SCNN1B: variants seen among roughly 807,000 people sequenced by gnomAD.
The protein encoded by SCNN1B is epithelial sodium channel subunit beta.
SCNN1B carries 46 observed loss-of-function variants against 65.3 expected under a neutral mutation model. The observed-to-expected ratio is 0.70, with a 90% confidence interval of 0.56 to 0.90. The LOEUF (loss-of-function observed/expected upper bound fraction) is 0.90, where lower values mean the gene tolerates loss of function less well. SCNN1B is among the 40% of genes least tolerant of loss of function. The pLI is 0.00. For synonymous variants in SCNN1B, 349 were observed against 330.6 expected, an observed-to-expected ratio of 1.06 and a Z score of -0.60; for missense variants, 751 against 830.5, an observed-to-expected ratio of 0.90 and a Z score of 1.18.
At chr16:23,338,652 G>A (rs573404316) in intron 1 of SCNN1B, among the ~76,000 whole-genome samples, 1 of 152,276 alleles carries the variant, frequency 6.6e-6, no homozygotes, top group East Asian at 1.9e-4. Flanking sequence ...AGAGGGCTGG[G>A]TATAAGACAG....
chr16:23,328,093 G>A (rs1961734285), intron 1 of SCNN1B, among the ~76,000 whole-genome samples: 1 of 152,196 alleles, frequency 6.6e-6, no homozygotes, highest in African/African-American at 2.4e-5. Flanking sequence ...TAAGTCACAA[G>A]TGGGAAGGTG....
chr16:23,380,104 G>A lies in SCNN1B; in HGVS notation c.1477G>A (p.Val493Ile). 1.2e-6 allele frequency: 2 copies of A among 1,614,030 alleles called. No individual in the cohort carries two copies. The highest frequency in any genetic ancestry group is 1.7e-6 in the Non-Finnish European group (2 of 1,179,914). The change falls in exon 12 of 13, where the codon GTC (valine) becomes ATC (isoleucine). Residue 493 changes from valine to isoleucine, a missense_variant. Coordinates refer to ENST00000343070, the MANE Select transcript of SCNN1B (RefSeq NM_000336.3). The surrounding 1 kb of genome is among the most constrained non-coding windows in gnomAD (Gnocchi z 5.4). ...CGCTGCCTCCTGCAGGAAGGGAATT[G>A]TCAAGCTCAACATCTACTTCCAAGA... ...TNITLSRKGI[V>I]KLNIYFQEFN...
chr16:23,327,609 C>T (rs947807257), intron 1 of SCNN1B, among the ~76,000 whole-genome samples: 6 of 152,186 alleles, frequency 3.9e-5, no homozygotes, highest in Admixed American at 3.3e-4. Context: ...GTGCCTGTAT[C>T]GTAGTTTGTG....
intron 2 of SCNN1B, among the ~76,000 whole-genome samples, chr16:23,288,570 A>G (rs1960883138): frequency 1.3e-5 from 2 of 152,092 alleles, no homozygotes; most frequent in Admixed American, 1.3e-4. Flanking sequence ...TTGGGAGGCC[A>G]AGGTGGGAGG....
chr16:23,289,627 C>T (rs763721849), intron 2 of SCNN1B, among the ~76,000 whole-genome samples: 2 of 150,738 alleles, frequency 1.3e-5, no homozygotes, highest in Admixed American at 6.6e-5. Flanking sequence ...AATGGACCTA[C>T]TGTAGGCATC....
At position 23,348,500 on chromosome 16, in the gene SCNN1B, C is replaced by A; in HGVS notation, c.-8-92C>A. The stretch of plus-strand genomic sequence containing the variant: ...GGTAAAGAGGGAGGAAGAACGGGGA[C>A]GTACCGCCGCCCAGTTCCTGGACGT... On this transcript the variant is annotated intron_variant, in intron 1 of 12. Coordinates refer to ENST00000343070, the MANE Select transcript of SCNN1B (RefSeq NM_000336.3). The surrounding 1 kb of genome is among the most constrained non-coding windows in gnomAD (Gnocchi z 4.5). 1 of 1,187,474 alleles carries A rather than the reference C, an allele frequency of 8.4e-7. No individual in the cohort carries two copies. Among genetic ancestry groups the A allele is most frequent in the Non-Finnish European group, 1.2e-6 (1 of 824,494 alleles). 73.6% of individuals were successfully genotyped at this position (1,187,474 alleles called of 1,614,324 possible). A position where few individuals can be genotyped will look rare whatever the true frequency, so the allele number is the denominator to read the frequency against.
At chr16:23,315,309 C>A (rs1961430288) in intron 1 of SCNN1B, among the ~76,000 whole-genome samples, 1 of 152,108 alleles carries the variant, frequency 6.6e-6, no homozygotes, top group Non-Finnish European at 1.5e-5. Context: ...TGCACTCCAG[C>A]CTGAGCAACA....
intron 1 of SCNN1B, among the ~76,000 whole-genome samples, chr16:23,343,620 AAAGAAAGAAAGAAAGAAAGAAAG>A (rs1962118397): frequency 7.5e-6 from 1 of 132,808 alleles, no homozygotes; most frequent in Non-Finnish European, 1.6e-5. Flanking sequence ...AGAAAGAAAG[AAAGAAAGAAAGAAAGAAAGAAAG>A]AAAGAAAAAA....
intron 2 of SCNN1B, among the ~76,000 whole-genome samples, chr16:23,287,162 G>A (rs1477339073): frequency 1.3e-5 from 2 of 151,638 alleles, no homozygotes; most frequent in Non-Finnish European, 2.9e-5. Context: ...CTACCACCAC[G>A]CCCGGCTAAT....
At position 23,365,607 on chromosome 16, in the gene SCNN1B, A is replaced by AAGAGAGAGAG. The variant is rs879286451; in HGVS notation, c.777-2246_777-2245insGAGAGAGAGA. On this transcript the variant is annotated intron_variant, in intron 4 of 12. Transcript: ENST00000343070. ...AGAAAGAGAAAGAAAGAAAGAAAGA[A>AAGAGAGAGAG]AGAAAGAAAGAAAAAAGAAAGAAGT... Among the ~76,000 whole-genome samples, 265 of 76,790 alleles carry AAGAGAGAGAG rather than the reference A, an allele frequency of 3.5e-3. 2 individuals are homozygous for AAGAGAGAGAG. Among genetic ancestry groups the AAGAGAGAGAG allele is most frequent in the South Asian group, 5.5e-3 (10 of 1,830 alleles). The allele number at this position is 76,790 out of a possible 152,430, so 50.4% of individuals were successfully genotyped here.
intron 2 of SCNN1B, among the ~76,000 whole-genome samples, chr16:23,293,734 C>T (rs371153882): frequency 4.9e-4 from 74 of 151,724 alleles, no homozygotes; most frequent in African/African-American, 1.6e-3. Context: ...TGAAATCAGC[C>T]GGGGCAACAT....
chr16:23,309,410 T>TGATA (rs58532372), intron 1 of SCNN1B, among the ~76,000 whole-genome samples: 17,421 of 150,850 alleles, frequency 0.12, 1,566 homozygotes, highest in African/African-American at 0.24. Flanking sequence ...AGATAAATGA[T>TGATA]GATAGATAGA....
upstream of SCNN1B, among the ~76,000 whole-genome samples, chr16:23,301,366 A>AAAAAAAAAAAAAAAG (rs796515589): frequency 4.6e-4 from 68 of 146,836 alleles, no homozygotes; most frequent in African/African-American, 1.8e-3. Context: ...TGTCAAAAAA[A>AAAAAAAAAAAAAAAG]AAAGAAAGAA....
At chr16:23,293,485 A>G (rs1339494332) in intron 2 of SCNN1B, among the ~76,000 whole-genome samples, 2 of 152,190 alleles carry the variant, frequency 1.3e-5, no homozygotes, top group African/African-American at 2.4e-5. Flanking sequence ...AGAGACAGGA[A>G]GTAGAATGGC....
At chr16:23,308,858 C>T (rs1020578025) in intron 1 of SCNN1B, among the ~76,000 whole-genome samples, 17 of 152,182 alleles carry the variant, frequency 1.1e-4, no homozygotes, top group African/African-American at 4.1e-4. Context: ...CTGCGTCGGC[C>T]TCCCAAAGTG....
intron 1 of SCNN1B, among the ~76,000 whole-genome samples, chr16:23,337,374 C>CTTTTTTT (rs11455298): frequency 7.5e-6 from 1 of 134,102 alleles, no homozygotes; most frequent in South Asian, 2.5e-4. Flanking sequence ...CTCTTTCTTT[C>CTTTTTTT]TTTTTTTTTT....
At chr16:23,310,772 G>T (rs1596822890) in intron 1 of SCNN1B, among the ~76,000 whole-genome samples, 2 of 152,266 alleles carry the variant, frequency 1.3e-5, no homozygotes, top group East Asian at 3.8e-4. Context: ...CACAAGAAAA[G>T]AAGTGTACAT....
intron 4 of SCNN1B, among the ~76,000 whole-genome samples, chr16:23,360,789 GGTTTT>G (rs1222067871): frequency 1.3e-5 from 2 of 150,440 alleles, no homozygotes; most frequent in Admixed American, 6.6e-5. Flanking sequence ...TTTGGTTTTT[GGTTTT>G]GTTTTGTTTT....
Position 23,337,756 on chromosome 16 carries a change from G to A in SCNN1B, c.-8-10836G>A, listed in dbSNP as rs572475703. Among the ~76,000 whole-genome samples the A allele has an allele frequency of 3.3e-5, 5 of 151,938 alleles. No homozygotes were observed. The South Asian group carries it at 1.0e-3, about 32-fold the overall frequency. On this transcript the variant is annotated intron_variant, in intron 1 of 12. Transcript: ENST00000343070. ...AGCAAACTTCTTTAAAGTACCAGAT[G>A]GTTAATATTTAAACATTTAAAACAT... is the stretch of plus-strand genomic sequence containing the variant.
Sources: allele counts gnomAD v4.1 joint callset (sites outside exome capture counted in the v4.1 genomes callset), GRCh38; gene constraint gnomAD v4.1.1; non-coding constraint Gnocchi (gnomAD v3.1); transcripts MANE v1.5; gene names NCBI Gene and HGNC (gene_info 2026-07-23, HGNC 2026-07-21).